KALRN: variants seen among roughly 807,000 people sequenced by gnomAD.
KALRN encodes kalirin RhoGEF kinase.
A neutral mutation model predicts 353.7 loss-of-function variants in KALRN; 70 were observed. The observed-to-expected ratio is 0.20, with a 90% CI of 0.16 to 0.24. The LOEUF is 0.24. KALRN is among the 10% of genes least tolerant of loss of function. The probability of loss-of-function intolerance (pLI) is 1.00; values close to 1 mark genes in which losing one functional copy is unlikely to be tolerated. For synonymous variants in KALRN, 1,391 were observed against 1,434.8 expected (o/e 0.97, Z 0.69); for missense variants, 2,791 against 3,756.7 (o/e 0.74, Z 6.72).
At chr3:124,344,585 A>G (rs533473215) in intron 9 of KALRN, among the ~76,000 whole-genome samples, 1 of 152,364 alleles carries the variant, frequency 6.6e-6, no homozygotes, top group East Asian at 1.9e-4. Flanking sequence ...CTGGATTACT[A>G]AAGTAATTTT....
At chr3:124,662,226 G>A (rs1032052941) in intron 45 of KALRN, among the ~76,000 whole-genome samples, 9 of 125,006 alleles carry the variant, frequency 7.2e-5, no homozygotes, top group African/African-American at 2.9e-4. Context: ...TTTTGAGACA[G>A]GTTCTTGCCC....
intron 1 of KALRN, among the ~76,000 whole-genome samples, chr3:124,141,426 C>T (rs533940783): frequency 6.6e-6 from 1 of 152,270 alleles, no homozygotes; most frequent in South Asian, 2.1e-4. Context: ...TGCTTTTTCT[C>T]ATGTGGGTGA....
intron 37 of KALRN, among the ~76,000 whole-genome samples, chr3:124,640,549 G>T (rs1285191331): frequency 6.6e-6 from 1 of 152,044 alleles, no homozygotes; most frequent in Non-Finnish European, 1.5e-5. Flanking sequence ...CTCCCAAAAT[G>T]CTGGGATTAC....
intron 27 of KALRN, among the ~76,000 whole-genome samples, chr3:124,481,693 A>G (rs2062001042): frequency 6.6e-6 from 1 of 152,176 alleles, no homozygotes; most frequent in South Asian, 2.1e-4. Flanking sequence ...TCATCTAAAC[A>G]CACAATGATT....
chr3:124,041,813 G>A (rs773467008), intron 1 of KALRN, among the ~76,000 whole-genome samples: 13 of 152,160 alleles, frequency 8.5e-5, no homozygotes, highest in Non-Finnish European at 1.8e-4. Context: ...CAGAGCTGTC[G>A]GATCAATAGA....
chr3:124,251,752 G>T (rs528672901), intron 3 of KALRN, among the ~76,000 whole-genome samples: 2 of 152,128 alleles, frequency 1.3e-5, no homozygotes, highest in African/African-American at 4.8e-5. Flanking sequence ...CAGAGATCCC[G>T]CTGAGTGATT....
chr3:124,603,981 C>T (rs866064739), intron 34 of KALRN, among the ~76,000 whole-genome samples: 3 of 152,038 alleles, frequency 2.0e-5, no homozygotes, highest in African/African-American at 7.3e-5. Flanking sequence ...GAGTGAACAA[C>T]ATCAGCTCAC....
At chr3:124,664,381 G>GCA (rs1553719976) in intron 45 of KALRN, among the ~76,000 whole-genome samples, 1 of 148,548 alleles carries the variant, frequency 6.7e-6, no homozygotes, top group Non-Finnish European at 1.5e-5. Flanking sequence ...GCGCGCGCGC[G>GCA]CATATAAGGG....
At chr3:124,207,248 T>C (rs2076490211) in intron 1 of KALRN, among the ~76,000 whole-genome samples, 2 of 152,182 alleles carry the variant, frequency 1.3e-5, no homozygotes, top group African/African-American at 2.4e-5. Context: ...TAGCGGCACA[T>C]AGACATCCTT....
At chr3:124,397,447 A>T (rs1167385643) in intron 12 of KALRN, among the ~76,000 whole-genome samples, 1 of 152,240 alleles carries the variant, frequency 6.6e-6, no homozygotes, top group Non-Finnish European at 1.5e-5. Flanking sequence ...CTAAAAGAAC[A>T]TGGCTTTCAG....
intron 1 of KALRN, among the ~76,000 whole-genome samples, chr3:124,174,724 A>C (rs1259566406): frequency 6.6e-6 from 1 of 152,200 alleles, no homozygotes; most frequent in Non-Finnish European, 1.5e-5. Flanking sequence ...CTCCCCCTAC[A>C]GAGCAGGACT....
At chr3:124,475,659 T>C (rs1383404397) in intron 26 of KALRN, among the ~76,000 whole-genome samples, 1 of 152,224 alleles carries the variant, frequency 6.6e-6, no homozygotes. Context: ...TATGTTTATG[T>C]TTTAGATTTT....
chr3:124,287,708 G>A (rs1431936777), intron 5 of KALRN, among the ~76,000 whole-genome samples: 1 of 138,054 alleles, frequency 7.2e-6, no homozygotes, highest in Non-Finnish European at 1.5e-5. Flanking sequence ...AAAAATGCAA[G>A]TATATTGAGG....
intron 5 of KALRN, among the ~76,000 whole-genome samples, chr3:124,279,987 T>C (rs889239471): frequency 3.9e-5 from 6 of 152,158 alleles, no homozygotes; most frequent in African/African-American, 1.4e-4. Context: ...GCACAGGCTC[T>C]ACAGAGAGGA....
intron 41 of KALRN, among the ~76,000 whole-genome samples, 187 bp from the exon 42 acceptor site, chr3:124,658,244 T>G (rs2084345958): frequency 6.6e-6 from 1 of 152,238 alleles, no homozygotes; most frequent in South Asian, 2.1e-4. Flanking sequence ...TTTGTTTTTT[T>G]GACCACCTTG....
chr3:124,645,149 CCTTTGCCCA>C, intron 37 of KALRN, among the ~76,000 whole-genome samples: 1 of 152,138 alleles, frequency 6.6e-6, no homozygotes, highest in South Asian at 2.1e-4. Flanking sequence ...CTGTTCATAT[CCTTTGCCCA>C]CTTTTTGATG....
At chr3:124,451,085 T>C (rs2058731441) in intron 21 of KALRN, among the ~76,000 whole-genome samples, 1 of 152,070 alleles carries the variant, frequency 6.6e-6, no homozygotes, top group Non-Finnish European at 1.5e-5. Flanking sequence ...ATAAGGAATA[T>C]CAATAATGAA....
intron 3 of KALRN, among the ~76,000 whole-genome samples, chr3:124,245,128 CCT>C (rs2080968931): frequency 6.6e-6 from 1 of 152,064 alleles, no homozygotes; most frequent in Non-Finnish European, 1.5e-5. Flanking sequence ...TATTAATCAC[CCT>C]CTTTGTTCCT....
chr3:124,562,989 A>C lies in KALRN; in HGVS notation c.5082A>C (p.Glu1694Asp). Reference protein sequence around the residue: ...RPGWCLVRTTERSPPLEGLVP... With the variant: ...RPGWCLVRTTDRSPPLEGLVP... ...GTTGGTGTCTGGTCCGTACCACCGA[A>C]CGGAGCCCGCCCTTGGAGGGTCTGG... The change falls in exon 34 of 60, where the codon GAA (glutamate) becomes GAC (aspartate). Residue 1694 changes from glutamate (E) to aspartate (D), a missense_variant. Glu to Asp is a conservative substitution (Grantham distance 45). This residue lies in a region of KALRN where 239 missense variants were observed against 351.3 expected (regional missense o/e 0.68). Transcript: ENST00000682506. The C allele has an allele frequency of 7.3e-7, 1 of 1,367,866 alleles. No individual in the cohort carries two copies. Among genetic ancestry groups the C allele is most frequent in the Non-Finnish European group, 9.8e-7 (1 of 1,021,998 alleles). The allele number at this position is 1,367,866 out of a possible 1,614,324, so 84.7% of individuals were successfully genotyped here.
Sources: gnomAD v4.1 joint callset for allele counts (sites outside exome capture counted in the v4.1 genomes callset) on GRCh38, gnomAD v4.1.1 for gene constraint, gnomAD v4.1.1 regional missense constraint, MANE v1.5 for transcripts, NCBI Gene and HGNC (gene_info 2026-07-23, HGNC 2026-07-21) for gene names.